Variants in PAAF1 observed in about 807,000 individuals in gnomAD.
PAAF1 encodes proteasomal ATPase associated factor 1.
A neutral mutation model predicts 52.8 loss-of-function variants in PAAF1; 46 were observed. That is an observed-to-expected ratio of 0.87 (90% CI 0.69 to 1.11). PAAF1 has a LOEUF of 1.11. Ranked by LOEUF, PAAF1 falls within the 50% of genes most tolerant of loss-of-function variation. The pLI is 0.00. For missense variants in PAAF1, 424 were observed against 477.4 expected (o/e 0.89, Z 1.04); for synonymous variants, 178 against 172.8 (o/e 1.03, Z -0.24).
intron 2 of PAAF1, among the ~76,000 whole-genome samples, chr11:73,884,950 C>G (rs1161638673): frequency 2.1e-5 from 3 of 145,500 alleles, no homozygotes; most frequent in Admixed American, 2.1e-4. Context: ...AGTTCCGCCT[C>G]CCGGGTTCAC....
intron 6 of PAAF1, 43 bp downstream of exon 6, chr11:73,900,463 C>T (rs1949566698): frequency 1.3e-6 from 2 of 1,503,960 alleles, no homozygotes; most frequent in Non-Finnish European, 1.8e-6. Flanking sequence ...TAATGATCCC[C>T]AGAAATGAAT....
intron 1 of PAAF1, among the ~76,000 whole-genome samples, chr11:73,878,197 C>T (rs1404193178): frequency 2.0e-5 from 3 of 152,188 alleles, no homozygotes; most frequent in Non-Finnish European, 4.4e-5. Flanking sequence ...AGAACAATAA[C>T]ATGAAGTGCC....
In PAAF1 at chr11:73,924,706, C is replaced by G. The variant is rs1950307079; in HGVS notation, c.1101+9C>G. The G allele has an allele frequency of 1.2e-6, 2 of 1,610,352 alleles. No homozygotes were observed. The highest frequency in any genetic ancestry group is 2.7e-5 in the African/African-American group (2 of 74,812). ...GTGACCCTGTGTACAAGGTACAGGC[C>G]TGAGACGACACCAGACCTGGGTGAT... On this transcript the variant is annotated intron_variant, in intron 11 of 11. Transcript: ENST00000310571.
chr11:73,889,243 A>G, intron 3 of PAAF1: 1 of 1,417,134 alleles, frequency 7.1e-7, no homozygotes, highest in Non-Finnish European at 9.3e-7. Flanking sequence ...GTGGGTTCAG[A>G]CAGTAAGTGC....
chr11:73,902,453 C>T (rs1949648823), intron 6 of PAAF1, among the ~76,000 whole-genome samples: 1 of 152,174 alleles, frequency 6.6e-6, no homozygotes, highest in African/African-American at 2.4e-5. Context: ...TCCGATCTGG[C>T]CATCCCTCTG....
At chr11:73,881,625 A>G (rs1252097800) in intron 2 of PAAF1, among the ~76,000 whole-genome samples, 1 of 151,416 alleles carries the variant, frequency 6.6e-6, no homozygotes, top group African/African-American at 2.4e-5. Flanking sequence ...AGTCTTTACA[A>G]AGCAACAAAC....
At chr11:73,914,362 C>G (rs1185841738) in intron 7 of PAAF1, 51 bp from the exon 8 acceptor site, 1 of 1,520,942 alleles carries the variant, frequency 6.6e-7, no homozygotes. Flanking sequence ...TGTGTGGGCA[C>G]TACCAGCTGA....
At chr11:73,905,525 A>G (rs1390775531) in intron 6 of PAAF1, among the ~76,000 whole-genome samples, 1 of 152,068 alleles carries the variant, frequency 6.6e-6, no homozygotes, top group Non-Finnish European at 1.5e-5. Context: ...CCTAGCCAAA[A>G]TTGCTACTTT....
In PAAF1 at chr11:73,893,311, A is replaced by G. The variant is rs144638797; in HGVS notation, c.282+2110A>G. Among the ~76,000 whole-genome samples, 3 of 152,362 alleles carry G rather than the reference A, an allele frequency of 2.0e-5. No individual in the cohort carries two copies. In the East Asian group the frequency reaches 5.8e-4, roughly 29 times the overall value. On this transcript the variant is annotated intron_variant, in intron 4 of 11. Coordinates refer to ENST00000310571, the MANE Select transcript of PAAF1 (RefSeq NM_025155.3). ...TTGCTCTTCATTTCCTCTGTAAAAC[A>G]TACCGTTAGGTTGAAAGTTTATCAA...
chr11:73,892,949 C>T (rs888877528), intron 4 of PAAF1, among the ~76,000 whole-genome samples: 10 of 152,106 alleles, frequency 6.6e-5, no homozygotes, highest in East Asian at 3.8e-4. Flanking sequence ...TGTGAGCCAC[C>T]GTGCCCAGCC....
At chr11:73,908,401 G>GTA (rs1255758859) in intron 6 of PAAF1, among the ~76,000 whole-genome samples, 29,123 of 146,292 alleles carry the variant, frequency 0.2, 3,244 homozygotes, top group African/African-American at 0.3. Context: ...ATATATATGT[G>GTA]TATATATATG....
At position 73,927,727 on chromosome 11, in the gene PAAF1, G is replaced by T. The variant is rs1950401430; in HGVS notation, c.*365G>T. The T allele has an allele frequency of 9.5e-6, 2 of 209,838 alleles. No individual in the cohort carries two copies. The highest frequency in any genetic ancestry group is 5.4e-5 in the Admixed American group (1 of 18,582). The allele number at this position is 209,838 out of a possible 1,614,324, so 13.0% of individuals were successfully genotyped here. ...AGGAAATAAAGAAAATATGTTTGGAGGTGCCTGAATATGAAGAACTTTGTT... is the reference window on the plus strand; with the variant it reads ...AGGAAATAAAGAAAATATGTTTGGATGTGCCTGAATATGAAGAACTTTGTT... On this transcript the variant is annotated 3_prime_UTR_variant, in exon 12 of 12. Coordinates refer to ENST00000310571, the MANE Select transcript of PAAF1 (RefSeq NM_025155.3).
At chr11:73,918,871 G>A (rs1489197522) in intron 9 of PAAF1, 79 bp from the exon 10 acceptor site, 4 of 1,006,186 alleles carry the variant, frequency 4.0e-6, no homozygotes, top group Non-Finnish European at 6.2e-6. Flanking sequence ...CTCTTATGTG[G>A]TTAGTACTAT....
intron 10 of PAAF1, 84 bp downstream of exon 10, chr11:73,919,116 G>A: frequency 8.0e-7 from 1 of 1,251,466 alleles, no homozygotes; most frequent in Non-Finnish European, 1.1e-6. Context: ...TCTATGGCTG[G>A]GTTGGGGCAT....
At chr11:73,906,043 A>G (rs374521546) in intron 6 of PAAF1, among the ~76,000 whole-genome samples, 1 of 152,216 alleles carries the variant, frequency 6.6e-6, no homozygotes, top group Non-Finnish European at 1.5e-5. Context: ...TGAAATAGAA[A>G]TGTAGATTTT....
chr11:73,924,006 C>T (rs968212621), intron 10 of PAAF1, among the ~76,000 whole-genome samples: 2 of 149,536 alleles, frequency 1.3e-5, no homozygotes, highest in Non-Finnish European at 3.0e-5. Flanking sequence ...TTTATAAATA[C>T]ACACACACAC....
At chr11:73,916,795 A>C in intron 9 of PAAF1, 135 bp downstream of exon 9, 1 of 532,176 alleles carries the variant, frequency 1.9e-6, no homozygotes, top group East Asian at 3.1e-5. Context: ...AAGGTTTTCC[A>C]GTCTGAATTT....
intron 7 of PAAF1, among the ~76,000 whole-genome samples, chr11:73,913,251 T>G (rs993596877): frequency 6.6e-6 from 1 of 151,750 alleles, no homozygotes; most frequent in Admixed American, 6.6e-5. Context: ...CTGTTCACCA[T>G]TCAGGTCTTG....
intron 4 of PAAF1, among the ~76,000 whole-genome samples, chr11:73,895,909 C>T (rs1471261152): frequency 6.6e-6 from 1 of 152,166 alleles, no homozygotes; most frequent in Admixed American, 6.5e-5. Flanking sequence ...GAGTTCAAGA[C>T]CACCCTGGGC....
Sources: allele counts gnomAD v4.1 joint callset (sites outside exome capture counted in the v4.1 genomes callset), GRCh38; gene constraint gnomAD v4.1.1; transcripts MANE v1.5; gene names NCBI Gene and HGNC (gene_info 2026-07-23, HGNC 2026-07-21).